The following RIMS2 variants were observed in gnomAD, a reference collection of about 807,000 sequenced individuals.
RIMS2 encodes the protein regulating synaptic membrane exocytosis 2, also known as regulating synaptic membrane exocytosis protein 2.
Under a neutral mutation model 174.4 loss-of-function variants are expected in RIMS2, and 59 were observed. The observed-to-expected ratio is 0.34, with a 90% CI of 0.27 to 0.42. The LOEUF is 0.42. Ranked by LOEUF, RIMS2 falls within the 10% of genes least tolerant of loss-of-function variation. RIMS2 has a pLI of 1.00. For missense variants in RIMS2, 1,620 were observed against 1,666.3 expected (o/e 0.97, Z 0.48); for synonymous variants, 606 against 572.5 (o/e 1.06, Z -0.84).
chr8:104,158,419 G>T (rs537285416), intron 19 of RIMS2, among the ~76,000 whole-genome samples: 1 of 152,260 alleles, frequency 6.6e-6, no homozygotes, highest in Non-Finnish European at 1.5e-5. Flanking sequence ...ACCCAGTAAT[G>T]GGATTGCTGG....
intron 1 of RIMS2, among the ~76,000 whole-genome samples, chr8:103,600,616 T>C (rs1012389847): frequency 6.6e-6 from 1 of 152,206 alleles, no homozygotes; most frequent in Non-Finnish European, 1.5e-5. Context: ...CTTAGGTTGC[T>C]TGTAAATCTT....
intron 2 of RIMS2, among the ~76,000 whole-genome samples, chr8:103,698,181 T>G (rs1456395891): frequency 6.6e-6 from 1 of 152,226 alleles, no homozygotes; most frequent in Non-Finnish European, 1.5e-5. Context: ...TATTTTGTTT[T>G]GCTAAGAACT....
chr8:103,602,488 T>A (rs1393363839), intron 1 of RIMS2, among the ~76,000 whole-genome samples: 1 of 151,750 alleles, frequency 6.6e-6, no homozygotes, highest in Non-Finnish European at 1.5e-5. Flanking sequence ...CTCCAGCGTC[T>A]TTTGTTCCCC....
chr8:103,816,230 G>A (rs530183556), intron 3 of RIMS2, among the ~76,000 whole-genome samples: 2 of 152,204 alleles, frequency 1.3e-5, no homozygotes, highest in African/African-American at 4.8e-5. Context: ...TGATGTGGCA[G>A]GCTAAAAATA....
At chr8:103,542,802 A>G (rs564315908) in intron 1 of RIMS2, among the ~76,000 whole-genome samples, 2 of 152,184 alleles carry the variant, frequency 1.3e-5, no homozygotes, top group Non-Finnish European at 2.9e-5. Flanking sequence ...GCAGAAAAGC[A>G]TTTGAAAAAA....
At chr8:103,920,271 C>A (rs753685197) in intron 9 of RIMS2, among the ~76,000 whole-genome samples, 1 of 152,038 alleles carries the variant, frequency 6.6e-6, no homozygotes, top group Non-Finnish European at 1.5e-5. Context: ...AGCTGTATGA[C>A]TTCCAAGTTT....
intron 19 of RIMS2, among the ~76,000 whole-genome samples, chr8:104,070,092 A>C (rs2097172124): frequency 6.6e-6 from 1 of 152,202 alleles, no homozygotes; most frequent in Admixed American, 6.5e-5. Flanking sequence ...TAACCTCAAG[A>C]ACTAATTAAG....
intron 1 of RIMS2, among the ~76,000 whole-genome samples, chr8:103,644,188 C>T (rs1042144295): frequency 6.6e-6 from 1 of 151,976 alleles, no homozygotes; most frequent in East Asian, 1.9e-4. Flanking sequence ...TACCCTGAGC[C>T]TCTGGCAATT....
chr8:104,218,666 G>T (rs1400532306), intron 19 of RIMS2, among the ~76,000 whole-genome samples: 1 of 152,054 alleles, frequency 6.6e-6, no homozygotes, highest in Non-Finnish European at 1.5e-5. Flanking sequence ...TCAAGCATTA[G>T]ATTCTATAAG....
intron 19 of RIMS2, among the ~76,000 whole-genome samples, chr8:104,090,019 T>G (rs893622723): frequency 6.6e-6 from 1 of 151,144 alleles, no homozygotes; most frequent in Non-Finnish European, 1.5e-5. Context: ...TAATGGGGGT[T>G]TGAAAATTAA....
At chr8:104,106,029 C>T (rs2098046833) in intron 19 of RIMS2, among the ~76,000 whole-genome samples, 1 of 77,724 alleles carries the variant, frequency 1.3e-5, no homozygotes, top group Non-Finnish European at 2.2e-5. Context: ...ACAGAGAAGA[C>T]TCTGCCACAA....
chr8:103,757,735 C>T (rs2098043747), intron 2 of RIMS2, among the ~76,000 whole-genome samples: 1 of 152,098 alleles, frequency 6.6e-6, no homozygotes, highest in Non-Finnish European at 1.5e-5. Flanking sequence ...AAATGCAATC[C>T]CTTGTATCAT....
intron 1 of RIMS2, among the ~76,000 whole-genome samples, chr8:103,580,963 G>A (rs1043456125): frequency 2.0e-5 from 3 of 151,290 alleles, no homozygotes; most frequent in African/African-American, 7.3e-5. Flanking sequence ...CCGGGTAGCT[G>A]GGACTACAGG....
At chr8:104,167,937 T>G (rs764424720) in intron 19 of RIMS2, among the ~76,000 whole-genome samples, 6 of 152,088 alleles carry the variant, frequency 3.9e-5, no homozygotes, top group Non-Finnish European at 8.8e-5. Context: ...TTTTCCCAAT[T>G]TATGTTTTTG....
intron 1 of RIMS2, among the ~76,000 whole-genome samples, chr8:103,615,117 T>C (rs183324834): frequency 2.6e-5 from 4 of 152,300 alleles, no homozygotes; most frequent in African/African-American, 9.6e-5. Context: ...TGCTCTAAAA[T>C]TGACCACATA....
chr8:103,993,412 G>A (rs1425023501), intron 17 of RIMS2, among the ~76,000 whole-genome samples: 1 of 151,870 alleles, frequency 6.6e-6, no homozygotes, highest in African/African-American at 2.4e-5. Context: ...CTATTATATG[G>A]ACCACTGGCA....
intron 19 of RIMS2, among the ~76,000 whole-genome samples, chr8:104,029,999 A>G (rs1476127595): frequency 6.6e-6 from 1 of 152,188 alleles, no homozygotes; most frequent in South Asian, 2.1e-4. Context: ...AGGGAGCAGT[A>G]GTGTATCCAA....
chr8:103,776,820 A>G (rs2098323705), intron 3 of RIMS2, among the ~76,000 whole-genome samples: 1 of 152,180 alleles, frequency 6.6e-6, no homozygotes, highest in Non-Finnish European at 1.5e-5. Context: ...AGTGCATTTT[A>G]TAAGTTAGCT....
intron 3 of RIMS2, chr8:103,819,452 A>T (rs1429551571): frequency 6.2e-7 from 1 of 1,602,296 alleles, no homozygotes; most frequent in Non-Finnish European, 8.5e-7. Context: ...CAAATAGATG[A>T]TTTTAAAGAC....
Sources: allele counts gnomAD v4.1 joint callset (sites outside exome capture counted in the v4.1 genomes callset), GRCh38; gene constraint gnomAD v4.1.1; transcripts MANE v1.5; gene names NCBI Gene and HGNC (gene_info 2026-07-23, HGNC 2026-07-21).